SEMA3D: variants seen among roughly 807,000 people sequenced by gnomAD.
SEMA3D encodes the protein semaphorin 3D, also known as semaphorin-3D.
SEMA3D carries 84 observed loss-of-function variants against 100.1 expected under a neutral mutation model. That is an observed-to-expected ratio of 0.84 (90% CI 0.70 to 1.01). The LOEUF (loss-of-function observed/expected upper bound fraction) is 1.01. Among genes scored for constraint, SEMA3D ranks in the 50% least tolerant of loss-of-function variants. The pLI, the probability that SEMA3D is intolerant of heterozygous loss-of-function variation, is 0.00. For synonymous variants in SEMA3D, 312 were observed against 320.7 expected, an observed-to-expected ratio of 0.97 and a Z score of 0.29; for missense variants, 875 against 934.1, an observed-to-expected ratio of 0.94 and a Z score of 0.82.
chr7:85,092,430 A>G (rs1788422687), intron 4 of SEMA3D, among the ~76,000 whole-genome samples: 1 of 152,002 alleles, frequency 6.6e-6, no homozygotes, highest in Non-Finnish European at 1.5e-5. Flanking sequence ...TAGAAGGGCA[A>G]AAGAAAAAAA....
At chr7:85,134,220 A>G (rs1453318580) in intron 2 of SEMA3D, among the ~76,000 whole-genome samples, 3 of 151,880 alleles carry the variant, frequency 2.0e-5, no homozygotes, top group African/African-American at 7.3e-5. Context: ...ACAAAATAAA[A>G]GGCAGAATGA....
the SEMA3D span, among the ~76,000 whole-genome samples, chr7:85,249,616 G>T: frequency 6.6e-6 from 1 of 152,192 alleles, no homozygotes; most frequent in Non-Finnish European, 1.5e-5. Flanking sequence ...AAAAACAATT[G>T]AGGACCTACC....
chr7:85,206,271 T>C, the SEMA3D span, among the ~76,000 whole-genome samples: 1 of 152,152 alleles, frequency 6.6e-6, no homozygotes, highest in Admixed American at 6.6e-5. Flanking sequence ...AACTGGAAAT[T>C]ACAAATATTT....
At chr7:85,014,219 C>G (rs1358352147) in intron 16 of SEMA3D, among the ~76,000 whole-genome samples, 1 of 151,806 alleles carries the variant, frequency 6.6e-6, no homozygotes, top group East Asian at 2.0e-4. Flanking sequence ...AGTTTAAAAA[C>G]AGACCTAAAA....
rs1789594156 is a variant in SEMA3D, at chr7:84,999,517, T to C, written c.2257A>G (p.Met753Val). The C allele has an allele frequency of 1.2e-6, 2 of 1,614,130 alleles. No homozygotes were observed. Among genetic ancestry groups the C allele is most frequent in the African/African-American group, 1.3e-5 (1 of 75,048 alleles). Residue 753 changes from methionine to valine, a missense_variant, in exon 19 of 19, where the codon ATG becomes GTG. By Grantham distance (21) the Met-to-Val change is conservative. Transcript: ENST00000284136. ...TTTCGTTTCTTCTTCATTTCCTGCA[T>C]GTGCTTCCACTTTGGGCCCCCCTTG... is the stretch of plus-strand genomic sequence containing the variant. The part of the protein sequence containing the change: ...RNKGGPKWKH[M>V]QEMKKKRNRR...
rs975112523 is a variant in SEMA3D, at chr7:85,140,811, C to G, written c.-41+12797G>C. 3 of 915,190 alleles carry G rather than the reference C, an allele frequency of 3.3e-6. No individual in the cohort carries two copies. In the South Asian group the frequency reaches 1.5e-4, roughly 46 times the overall value. The allele number at this position is 915,190 out of a possible 1,614,324, so 56.7% of individuals were successfully genotyped here. A position where few individuals can be genotyped will look rare whatever the true frequency, so the allele number is the denominator to read the frequency against. On this transcript the variant is annotated intron_variant, in intron 2 of 18. Transcript: ENST00000284136. ...GCTTAATTATTCCATTAATAATAGA[C>G]TGTGATTATTATAAAAGTAGTTTTT...
chr7:85,192,873 GA>G, the SEMA3D span, among the ~76,000 whole-genome samples: 5 of 151,756 alleles, frequency 3.3e-5, no homozygotes, highest in Non-Finnish European at 7.4e-5. Context: ...TTTTATTCTT[GA>G]GTTTGTCAAA....
chr7:85,005,432 G>A (rs577607329), intron 18 of SEMA3D, among the ~76,000 whole-genome samples: 5 of 151,912 alleles, frequency 3.3e-5, no homozygotes, highest in South Asian at 2.1e-4. Flanking sequence ...GAATGATGAC[G>A]AATCTAGTTT....
intron 1 of SEMA3D, among the ~76,000 whole-genome samples, chr7:85,154,242 T>A (rs773776184): frequency 6.6e-6 from 1 of 152,034 alleles, no homozygotes; most frequent in Non-Finnish European, 1.5e-5. Flanking sequence ...TTCCAAACTC[T>A]CCCCAAGCCC....
chr7:85,152,626 G>C (rs1184480898), intron 2 of SEMA3D, among the ~76,000 whole-genome samples: 4 of 151,998 alleles, frequency 2.6e-5, no homozygotes, highest in Admixed American at 2.0e-4. Flanking sequence ...AAAAATAATA[G>C]AGCATTGCCA....
At chr7:85,217,559 T>C in the SEMA3D span, among the ~76,000 whole-genome samples, 1 of 151,928 alleles carries the variant, frequency 6.6e-6, no homozygotes, top group African/African-American at 2.4e-5. Flanking sequence ...AAGTGCAAGA[T>C]TTAGCCAATG....
At chr7:85,005,648 C>A (rs534721953) in intron 18 of SEMA3D, among the ~76,000 whole-genome samples, 3 of 152,024 alleles carry the variant, frequency 2.0e-5, no homozygotes, top group South Asian at 4.2e-4. Context: ...GGTTTCTTAA[C>A]CTCTCAGCAG....
chr7:85,154,425 T>C (rs1282651546), intron 1 of SEMA3D, among the ~76,000 whole-genome samples: 1 of 152,098 alleles, frequency 6.6e-6, no homozygotes, highest in Non-Finnish European at 1.5e-5. Context: ...CAGCGAATCA[T>C]ACTCTTGGTA....
the SEMA3D span, among the ~76,000 whole-genome samples, chr7:85,247,266 C>G: frequency 6.6e-6 from 1 of 151,986 alleles, no homozygotes; most frequent in Admixed American, 6.6e-5. Flanking sequence ...AATCCACACA[C>G]AGAAACATTT....
At position 85,081,257 on chromosome 7, in the gene SEMA3D, C is replaced by A. The variant is rs976808328; in HGVS notation, c.375+260G>T. ...TTGAATACTTTAATGTGTTTCTAAT[C>A]TTTTTTGTGACAAAAATAATATTCA... On this transcript the variant is annotated intron_variant, in intron 5 of 18. Coordinates refer to ENST00000284136, the MANE Select transcript of SEMA3D (RefSeq NM_001384900.1). Among the ~76,000 whole-genome samples the A allele has an allele frequency of 3.3e-5, 5 of 152,158 alleles. No individual in the cohort carries two copies. The South Asian group carries it at 8.3e-4, about 25-fold the overall frequency.
In SEMA3D at chr7:85,139,095, A is replaced by G. The variant is rs115690196; in HGVS notation, c.-41+14513T>C. 5.8e-3 allele frequency among the ~76,000 whole-genome samples: 878 copies of G among 152,114 alleles called. 5 individuals are homozygous for G. The highest frequency in any genetic ancestry group is 0.02 in the African/African-American group (826 of 41,520). ...CCAAGGGAAGAAATTCAGATAGAGG[A>G]AAAAATAGGTGCAAGGACTGATCCC... is the stretch of plus-strand genomic sequence containing the variant. On this transcript the variant is annotated intron_variant, in intron 2 of 18. Coordinates refer to ENST00000284136, the MANE Select transcript of SEMA3D (RefSeq NM_001384900.1).
intron 4 of SEMA3D, among the ~76,000 whole-genome samples, chr7:85,085,822 A>T (rs1788197779): frequency 6.6e-6 from 1 of 152,214 alleles, no homozygotes; most frequent in African/African-American, 2.4e-5. Flanking sequence ...CTAAAATAGC[A>T]ATTGCACATA....
At chr7:85,129,742 C>T (rs912163500) in intron 2 of SEMA3D, among the ~76,000 whole-genome samples, 3 of 151,942 alleles carry the variant, frequency 2.0e-5, no homozygotes, top group African/African-American at 4.8e-5. Context: ...TGCTGTAGGA[C>T]AATATAAGGA....
At position 85,167,429 on chromosome 7, in the gene SEMA3D, A is replaced by G. The variant is rs531566471; in HGVS notation, c.-172-13690T>C. 247 of 973,644 alleles carry G rather than the reference A, an allele frequency of 2.5e-4. 5 individuals carry two copies. In the South Asian group the frequency reaches 0.011, roughly 42 times the overall value. 60.3% of individuals were successfully genotyped at this position (973,644 alleles called of 1,614,324 possible). ...TGTTATAAATTTTCACCTTTGAATGATATAATTTACTGTGAAGCTGATACT... is the reference window on the plus strand; with the variant it reads ...TGTTATAAATTTTCACCTTTGAATGGTATAATTTACTGTGAAGCTGATACT... On this transcript the variant is annotated intron_variant, in intron 1 of 18. Coordinates refer to ENST00000284136, the MANE Select transcript of SEMA3D (RefSeq NM_001384900.1).
Sources: allele counts gnomAD v4.1 joint callset (sites outside exome capture counted in the v4.1 genomes callset), GRCh38; gene constraint gnomAD v4.1.1; transcripts MANE v1.5; gene names NCBI Gene and HGNC (gene_info 2026-07-23, HGNC 2026-07-21).